The following KIRREL3 variants were observed in gnomAD, a reference collection of about 807,000 sequenced individuals.
The protein encoded by KIRREL3 is kirre like nephrin family adhesion molecule 3.
KIRREL3 carries 36 observed loss-of-function variants against 89.7 expected under a neutral mutation model. That is an observed-to-expected ratio of 0.40 (90% confidence interval 0.31 to 0.53). KIRREL3 has a LOEUF of 0.53. Among genes scored for constraint, KIRREL3 ranks in the 20% least tolerant of loss-of-function variants. The pLI, the probability that KIRREL3 is intolerant of heterozygous loss-of-function variation, is 0.49. For missense variants in KIRREL3, 864 were observed against 1,056.6 expected, an observed-to-expected ratio of 0.82 and a Z score of 2.53; for synonymous variants, 445 against 441.4, an observed-to-expected ratio of 1.01 and a Z score of -0.10.
At position 126,908,729 on chromosome 11, in the gene KIRREL3, A is replaced by G. The variant is rs1946685233; in HGVS notation, c.55+91726T>C. On this transcript the variant is annotated intron_variant, in intron 1 of 16. Coordinates refer to ENST00000525144, the MANE Select transcript of KIRREL3 (RefSeq NM_032531.4). The surrounding 1 kb of genome is among the most constrained non-coding windows in gnomAD (Gnocchi z 4.2). ...GATTCCACAGTAGATTAAATATAAT[A>G]GTTTCTGCTTTTATGGGGCCTATAG... 6.6e-6 allele frequency among the ~76,000 whole-genome samples: 1 copy of G among 152,184 alleles called. No homozygotes were observed. The highest frequency in any genetic ancestry group is 2.4e-5 in the African/African-American group (1 of 41,444).
rs1219263954 is a variant in KIRREL3 at position 126,609,335 on chromosome 11, A to G, written c.56-46423T>C. Among the ~76,000 whole-genome samples the G allele has an allele frequency of 2.0e-5, 3 of 152,094 alleles. No homozygotes were observed. Among genetic ancestry groups the G allele is most frequent in the African/African-American group, 7.2e-5 (3 of 41,398 alleles). On this transcript the variant is annotated intron_variant, in intron 1 of 16. Coordinates refer to ENST00000525144, the MANE Select transcript of KIRREL3 (RefSeq NM_032531.4). This position sits in a 1 kb window ranked among gnomAD's most constrained non-coding sequence, Gnocchi z 5.0. ...TCCCCCCGGGCTGGTGGCTGGGTTA[A>G]TTGGACCTTGTTTATGTAGCATCTA... is the stretch of plus-strand genomic sequence containing the variant.
intron 2 of KIRREL3, among the ~76,000 whole-genome samples, chr11:126,532,051 G>GA (rs1958960218): frequency 6.6e-6 from 1 of 152,316 alleles, no homozygotes; most frequent in South Asian, 2.1e-4. Flanking sequence ...CTTGACAGGA[G>GA]AAAAAAATAA....
rs1050867228 is a variant in KIRREL3 at position 126,870,095 on chromosome 11, G to C, written c.55+130360C>G. 1.3e-5 allele frequency among the ~76,000 whole-genome samples: 2 copies of C among 152,196 alleles called. No homozygotes were observed. The highest frequency in any genetic ancestry group is 4.1e-4 in the South Asian group (2 of 4,830). On this transcript the variant is annotated intron_variant, in intron 1 of 16. Coordinates refer to ENST00000525144, the MANE Select transcript of KIRREL3 (RefSeq NM_032531.4). This position sits in a 1 kb window ranked among gnomAD's most constrained non-coding sequence, Gnocchi z 4.4. ...CCCATGTACAGCTGGCACTTCCTTT[G>C]AATCAGGGGCCCATGAGCACTGTGA...
chr11:126,533,303 G>A (rs1053034164), intron 2 of KIRREL3, among the ~76,000 whole-genome samples: 11 of 152,172 alleles, frequency 7.2e-5, no homozygotes, highest in East Asian at 3.8e-4. Context: ...GCCTCTTTGC[G>A]TCCTTATTTG....
At position 126,821,329 on chromosome 11, in the gene KIRREL3, GTA is replaced by G. The variant is rs6144553; in HGVS notation, c.55+179124_55+179125del. Among the ~76,000 whole-genome samples the G allele has an allele frequency of 7.2e-3, 750 of 103,476 alleles. 92 individuals carry two copies. Among genetic ancestry groups the G allele is most frequent in the African/African-American group, 0.018 (359 of 19,998 alleles). The allele number at this position is 103,476 out of a possible 152,430, so 67.9% of individuals were successfully genotyped here. On this transcript the variant is annotated intron_variant, in intron 1 of 16. Coordinates refer to ENST00000525144, the MANE Select transcript of KIRREL3 (RefSeq NM_032531.4). ...TTTCATGGGTCAACGGATAAACACA[GTA>G]TATATATATATATATATATATGTAA...
Position 126,683,364 on chromosome 11 carries a change from G to A in KIRREL3, c.56-120452C>T, listed in dbSNP as rs954266636. ...GGTTTGCAAGTAAGTGGGATCGACC[G>A]TGGGGTCTCTGGACAGCTCCCCAGA... On this transcript the variant is annotated intron_variant, in intron 1 of 16. Coordinates refer to ENST00000525144, the MANE Select transcript of KIRREL3 (RefSeq NM_032531.4). This position sits in a 1 kb window ranked among gnomAD's most constrained non-coding sequence, Gnocchi z 5.2. 1.3e-5 allele frequency among the ~76,000 whole-genome samples: 2 copies of A among 152,160 alleles called. No individual in the cohort carries two copies. The highest frequency in any genetic ancestry group is 6.5e-5 in the Admixed American group (1 of 15,272).
At chr11:126,875,428 C>T (rs547046835) in intron 1 of KIRREL3, among the ~76,000 whole-genome samples, 37 of 152,214 alleles carry the variant, frequency 2.4e-4, no homozygotes, top group Middle Eastern at 3.4e-3. Context: ...TTTGTTTAAA[C>T]AAAACTGAGT....
intron 1 of KIRREL3, among the ~76,000 whole-genome samples, chr11:126,629,924 A>G (rs1047782764): frequency 8.5e-5 from 13 of 152,220 alleles, no homozygotes; most frequent in Non-Finnish European, 4.4e-5. Context: ...AAAACCTTGT[A>G]AACAGTCCCT....
At chr11:126,654,175 G>A (rs1945026836) in intron 1 of KIRREL3, among the ~76,000 whole-genome samples, 1 of 117,464 alleles carries the variant, frequency 8.5e-6, no homozygotes, top group South Asian at 2.4e-4. Flanking sequence ...CTCGTGGTTG[G>A]GACACCTGAC....
chr11:126,912,403 C>A lies in KIRREL3; in HGVS notation c.55+88052G>T. On this transcript the variant is annotated intron_variant, in intron 1 of 16. Transcript: ENST00000525144. The surrounding 1 kb of genome is among the most constrained non-coding windows in gnomAD (Gnocchi z 4.7). ...CACCTTTTGTGGTAATTCTTCACTT[C>A]TCTCCACACTAATTACCCCTTTCCA... Among the ~76,000 whole-genome samples the A allele has an allele frequency of 6.6e-6, 1 of 152,148 alleles. No homozygotes were observed. The highest frequency in any genetic ancestry group is 1.5e-5 in the Non-Finnish European group (1 of 68,030).
chr11:126,521,735 A>G lies in KIRREL3; in HGVS notation c.284-271T>C, dbSNP rs1958603425. Among the ~76,000 whole-genome samples, 1 of 132,160 alleles carries G rather than the reference A, an allele frequency of 7.6e-6. No homozygotes were observed. The highest frequency in any genetic ancestry group is 3.0e-5 in the African/African-American group (1 of 33,220). 86.7% of individuals were successfully genotyped at this position (132,160 alleles called of 152,430 possible). A position where few individuals can be genotyped will look rare whatever the true frequency, so the allele number is the denominator to read the frequency against. ...GTGTGTGTGTGTGTGTGTGTGTATA[A>G]GGGCATTTGGTCTGTTTGTTAGTTT... On this transcript the variant is annotated intron_variant, in intron 3 of 16. Coordinates refer to ENST00000525144, the MANE Select transcript of KIRREL3 (RefSeq NM_032531.4). This position sits in a 1 kb window ranked among gnomAD's most constrained non-coding sequence, Gnocchi z 4.1.
At position 126,890,062 on chromosome 11, in the gene KIRREL3, A is replaced by G. The variant is rs541872123; in HGVS notation, c.55+110393T>C. On this transcript the variant is annotated intron_variant, in intron 1 of 16. Coordinates refer to ENST00000525144, the MANE Select transcript of KIRREL3 (RefSeq NM_032531.4). The surrounding 1 kb of genome is among the most constrained non-coding windows in gnomAD (Gnocchi z 5.1). ...CCCCCAGCCACAATCACAAATAACT[A>G]TCTGGTGGAGGATCTTGTGTCCTTT... Among the ~76,000 whole-genome samples, 1 of 152,158 alleles carries G rather than the reference A, an allele frequency of 6.6e-6. No homozygotes were observed. Among genetic ancestry groups the G allele is most frequent in the South Asian group, 2.1e-4 (1 of 4,824 alleles).
rs188503194 is a variant in KIRREL3 at position 126,594,771 on chromosome 11, G to C, written c.56-31859C>G. ...AGAGACACTGAATAGAACATAGAAG[G>C]GGTTGTTTTCCTAAAGCTCATATAA... On this transcript the variant is annotated intron_variant, in intron 1 of 16. Transcript: ENST00000525144. The surrounding 1 kb of genome is among the most constrained non-coding windows in gnomAD (Gnocchi z 5.0). Among the ~76,000 whole-genome samples the C allele has an allele frequency of 7.7e-4, 117 of 152,294 alleles. No individual in the cohort carries two copies. Among genetic ancestry groups the C allele is most frequent in the African/African-American group, 2.6e-3 (109 of 41,544 alleles).
Position 126,424,158 on chromosome 11 carries a change from G to C in KIRREL3, c.*422C>G, listed in dbSNP as rs1954835551. 1 of 235,704 alleles carries C rather than the reference G, an allele frequency of 4.2e-6. No individual in the cohort carries two copies. The highest frequency in any genetic ancestry group is 8.4e-6 in the Non-Finnish European group (1 of 118,434). The allele number at this position is 235,704 out of a possible 1,614,324, so 14.6% of individuals were successfully genotyped here. A position where few individuals can be genotyped will look rare whatever the true frequency, so the allele number is the denominator to read the frequency against. On this transcript the variant is annotated 3_prime_UTR_variant, in exon 17 of 17. Transcript: ENST00000525144. The stretch of plus-strand genomic sequence containing the variant: ...CCCTTCTCCCCAGGGCTGTATGGGA[G>C]CACAGGCACAGGGGTAGGTAGAGCT...
In KIRREL3 at chr11:126,844,503, G is replaced by T. The variant is rs1310587942; in HGVS notation, c.55+155952C>A. ...TGGTGGGGTACCCAGATAAAGGATG[G>T]GATTGGGTTAGGGGCCCAACTTAGG... On this transcript the variant is annotated intron_variant, in intron 1 of 16. Transcript: ENST00000525144. The surrounding 1 kb of genome is among the most constrained non-coding windows in gnomAD (Gnocchi z 4.8). 6.6e-6 allele frequency among the ~76,000 whole-genome samples: 1 copy of T among 152,132 alleles called. No homozygotes were observed. Among genetic ancestry groups the T allele is most frequent in the Non-Finnish European group, 1.5e-5 (1 of 68,028 alleles).
chr11:126,858,378 G>A (rs1373656075), intron 1 of KIRREL3, among the ~76,000 whole-genome samples: 1 of 152,150 alleles, frequency 6.6e-6, no homozygotes, highest in East Asian at 1.9e-4. Flanking sequence ...TACTGAGAAG[G>A]GTGTGTGTGG....
At chr11:126,446,542 G>A (rs1373935428) in intron 9 of KIRREL3, among the ~76,000 whole-genome samples, 1 of 152,220 alleles carries the variant, frequency 6.6e-6, no homozygotes, top group Non-Finnish European at 1.5e-5. Context: ...GTTTAGGACA[G>A]GGCAAGAGTG....
At chr11:126,762,134 C>T (rs1346007477) in intron 1 of KIRREL3, among the ~76,000 whole-genome samples, 1 of 151,930 alleles carries the variant, frequency 6.6e-6, no homozygotes, top group African/African-American at 2.4e-5. Context: ...GAGGTCACAA[C>T]ATTGCACTCC....
intron 1 of KIRREL3, among the ~76,000 whole-genome samples, chr11:126,980,556 T>C (rs1046422089): frequency 3.3e-5 from 5 of 152,062 alleles, no homozygotes; most frequent in African/African-American, 1.2e-4. Flanking sequence ...AGGAACTTGA[T>C]AGGGTGCTAT....
Sources: gnomAD v4.1 joint callset for allele counts (sites outside exome capture counted in the v4.1 genomes callset) on GRCh38, gnomAD v4.1.1 for gene constraint, Gnocchi (gnomAD v3.1) non-coding constraint, MANE v1.5 for transcripts, NCBI Gene and HGNC (gene_info 2026-07-23, HGNC 2026-07-21) for gene names.